The following BAZ2B variants were observed in gnomAD, a reference collection of about 807,000 sequenced individuals.
BAZ2B encodes the protein bromodomain adjacent to zinc finger domain protein 2B.
A neutral mutation model predicts 246.0 loss-of-function variants in BAZ2B; 91 were observed. The ratio of observed to expected loss-of-function variants is 0.37; its 90% CI spans 0.31 to 0.44. BAZ2B has a LOEUF of 0.44. BAZ2B is among the 20% of genes least tolerant of loss of function. BAZ2B has a pLI of 1.00. For synonymous variants in BAZ2B, 855 were observed against 860.0 expected, an observed-to-expected ratio of 0.99 and a Z score of 0.10; for missense variants, 2,332 against 2,533.7, an observed-to-expected ratio of 0.92 and a Z score of 1.71.
At chr2:159,640,473 CAA>C in the BAZ2B span, among the ~76,000 whole-genome samples, 1 of 150,352 alleles carries the variant, frequency 6.7e-6, no homozygotes, top group Non-Finnish European at 1.5e-5. Context: ...TTAAAACATT[CAA>C]AAAAAAACCT....
chr2:159,567,250 T>C (rs1312266888), intron 1 of BAZ2B, among the ~76,000 whole-genome samples: 2 of 151,756 alleles, frequency 1.3e-5, no homozygotes, highest in Non-Finnish European at 2.9e-5. Context: ...AAGAAAAAAA[T>C]TCATTCAACA....
the BAZ2B span, among the ~76,000 whole-genome samples, chr2:159,663,240 C>T: frequency 3.5e-5 from 5 of 144,810 alleles, no homozygotes; most frequent in South Asian, 2.2e-4. Context: ...GTCTCACTGT[C>T]GGCCAGGCTG....
the BAZ2B span, chr2:159,694,115 G>A: frequency 6.6e-6 from 1 of 152,094 alleles, no homozygotes; most frequent in African/African-American, 2.4e-5. Flanking sequence ...ATATATGTGG[G>A]CCCTAATTCA....
In BAZ2B at chr2:159,320,063, A is replaced by T; in HGVS notation, c.*202T>A. The T allele has an allele frequency of 2.3e-6, 1 of 436,686 alleles. No individual in the cohort carries two copies. Among genetic ancestry groups the T allele is most frequent in the East Asian group, 4.2e-5 (1 of 23,830 alleles). The allele number at this position is 436,686 out of a possible 1,614,324, so 27.1% of individuals were successfully genotyped here. The stretch of plus-strand genomic sequence containing the variant: ...CTACCTAAATTAGCTGATAAATCAC[A>T]CAAACCAATAACCGAGGGCCTTGGT... On this transcript the variant is annotated 3_prime_UTR_variant, in exon 37 of 37. Coordinates refer to ENST00000392783, the MANE Select transcript of BAZ2B (RefSeq NM_013450.4).
At chr2:159,638,727 A>G in the BAZ2B span, among the ~76,000 whole-genome samples, 3 of 152,172 alleles carry the variant, frequency 2.0e-5, no homozygotes, top group Admixed American at 2.0e-4. Context: ...AAAAAATAAA[A>G]ATACAATGAG....
At chr2:159,333,795 C>T (rs1450602164) in intron 33 of BAZ2B, among the ~76,000 whole-genome samples, 1 of 152,086 alleles carries the variant, frequency 6.6e-6, no homozygotes, top group African/African-American at 2.4e-5. Context: ...ATACCAATGA[C>T]AGTTGTAGAA....
intron 1 of BAZ2B, among the ~76,000 whole-genome samples, chr2:159,561,451 T>G (rs1415129119): frequency 6.6e-6 from 1 of 152,244 alleles, no homozygotes; most frequent in East Asian, 1.9e-4. Context: ...GTTAGCTTAA[T>G]AAACCTCTTT....
chr2:159,487,127 C>T (rs1159650646), intron 2 of BAZ2B, among the ~76,000 whole-genome samples: 1 of 152,062 alleles, frequency 6.6e-6, no homozygotes, highest in East Asian at 1.9e-4. Context: ...GTATTAATGA[C>T]AGTTAAGTCA....
At chr2:159,516,046 T>C (rs1384521309) in intron 2 of BAZ2B, among the ~76,000 whole-genome samples, 1 of 152,102 alleles carries the variant, frequency 6.6e-6, no homozygotes. Context: ...AACCAAAACC[T>C]ACAGTATGTG....
chr2:159,626,394 C>T, the BAZ2B span, among the ~76,000 whole-genome samples: 2 of 152,212 alleles, frequency 1.3e-5, no homozygotes, highest in East Asian at 3.8e-4. Context: ...CACCACATCA[C>T]ACTTATTCTA....
intron 2 of BAZ2B, among the ~76,000 whole-genome samples, chr2:159,543,602 C>A (rs2151396712): frequency 7.1e-6 from 1 of 141,000 alleles, no homozygotes; most frequent in East Asian, 2.1e-4. Flanking sequence ...GTGGTGTGAT[C>A]AAGGCTCATT....
At position 159,348,822 on chromosome 2, in the gene BAZ2B, C is replaced by T; in HGVS notation, c.5149G>A (p.Gly1717Ser). ...PKPIPEEMQF[G>S]WWRIIDPEDL... The stretch of plus-strand genomic sequence containing the variant: ...TCTGGGTCAATAATTCTCCACCAAC[C>T]AAACTGCATTTCTAAGTCAAGATAA... Residue 1717 changes from glycine to serine, a missense_variant, in exon 30 of 37, where the codon GGT becomes AGT. Gly to Ser is a moderately conservative substitution (Grantham distance 56). Coordinates refer to ENST00000392783, the MANE Select transcript of BAZ2B (RefSeq NM_013450.4). 1 of 1,596,378 alleles carries T rather than the reference C, an allele frequency of 6.3e-7. No homozygotes were observed.
At chr2:159,652,516 T>C in the BAZ2B span, among the ~76,000 whole-genome samples, 1 of 152,118 alleles carries the variant, frequency 6.6e-6, no homozygotes, top group Non-Finnish European at 1.5e-5. Flanking sequence ...GGCCACTGTC[T>C]ATCATTTTGA....
intron 1 of BAZ2B, among the ~76,000 whole-genome samples, chr2:159,567,384 AT>A (rs1320130844): frequency 6.6e-6 from 1 of 152,196 alleles, no homozygotes; most frequent in Non-Finnish European, 1.5e-5. Flanking sequence ...CACTTACAGT[AT>A]TCATAAGGTA....
intron 33 of BAZ2B, among the ~76,000 whole-genome samples, chr2:159,334,938 T>C: frequency 6.6e-6 from 1 of 152,184 alleles, no homozygotes; most frequent in East Asian, 1.9e-4. Context: ...GGTCTCATTA[T>C]GTTGCCCAGG....
chr2:159,447,559 T>C (rs1332316432), intron 5 of BAZ2B, among the ~76,000 whole-genome samples: 1 of 152,190 alleles, frequency 6.6e-6, no homozygotes, highest in Non-Finnish European at 1.5e-5. Flanking sequence ...AGTACTAGGT[T>C]ATTAATTTTA....
intron 22 of BAZ2B, 63 bp downstream of exon 22, chr2:159,386,290 A>C: frequency 7.0e-7 from 1 of 1,436,166 alleles, no homozygotes; most frequent in Non-Finnish European, 9.4e-7. Context: ...TAATATGCTA[A>C]AGCTATCTAC....
At chr2:159,622,922 T>C in the BAZ2B span, among the ~76,000 whole-genome samples, 1 of 143,532 alleles carries the variant, frequency 7.0e-6, no homozygotes, top group Non-Finnish European at 1.5e-5. Flanking sequence ...CAGTAAGTCA[T>C]GATCAAACCA....
chr2:159,670,481 C>T, the BAZ2B span, among the ~76,000 whole-genome samples: 1 of 152,010 alleles, frequency 6.6e-6, no homozygotes, highest in Non-Finnish European at 1.5e-5. Flanking sequence ...CATATAGGTC[C>T]CTTTAATCAC....
Sources: allele counts gnomAD v4.1 joint callset (sites outside exome capture counted in the v4.1 genomes callset), GRCh38; gene constraint gnomAD v4.1.1; transcripts MANE v1.5; gene names NCBI Gene and HGNC (gene_info 2026-07-23, HGNC 2026-07-21).